Variants in MAP3K5 observed in about 807,000 individuals in gnomAD.
The protein encoded by MAP3K5 is mitogen-activated protein kinase kinase kinase 5.
A neutral mutation model predicts 158.7 loss-of-function variants in MAP3K5; 56 were observed. The observed-to-expected ratio is 0.35, with a 90% CI of 0.28 to 0.44. MAP3K5 has a LOEUF of 0.44. Ranked by LOEUF, MAP3K5 falls within the 20% of genes least tolerant of loss-of-function variation. The pLI is 1.00. For synonymous variants in MAP3K5, 579 were observed against 601.7 expected (o/e 0.96, Z 0.55); for missense variants, 1,294 against 1,674.8 (o/e 0.77, Z 3.97).
chr6:136,625,480 C>T (rs1002529441), intron 14 of MAP3K5, among the ~76,000 whole-genome samples: 1 of 152,172 alleles, frequency 6.6e-6, no homozygotes, highest in Non-Finnish European at 1.5e-5. Flanking sequence ...AGTCAGCCCA[C>T]TACACTGTGA....
intron 1 of MAP3K5, among the ~76,000 whole-genome samples, chr6:136,738,000 T>C (rs370518920): frequency 5.9e-5 from 9 of 152,110 alleles, no homozygotes; most frequent in African/African-American, 2.2e-4. Flanking sequence ...ATATAGGAGT[T>C]TCTTTTTACC....
intron 25 of MAP3K5, among the ~76,000 whole-genome samples, chr6:136,576,915 A>G (rs918628937): frequency 6.6e-6 from 1 of 151,982 alleles, no homozygotes; most frequent in African/African-American, 2.4e-5. Context: ...GTAACACACC[A>G]TACAAATTTG....
chr6:136,603,533 G>T (rs564397681), intron 19 of MAP3K5, among the ~76,000 whole-genome samples: 14 of 152,134 alleles, frequency 9.2e-5, no homozygotes, highest in South Asian at 8.3e-4. Flanking sequence ...GCACAAGCAG[G>T]TTAAATAATT....
At chr6:136,660,611 A>G (rs554471507) in intron 8 of MAP3K5, among the ~76,000 whole-genome samples, 3 of 152,260 alleles carry the variant, frequency 2.0e-5, no homozygotes, top group East Asian at 3.9e-4. Context: ...TTTGCATTTT[A>G]TAAGTATTTG....
chr6:136,559,930 T>C (rs1213803275), intron 28 of MAP3K5, among the ~76,000 whole-genome samples: 1 of 152,176 alleles, frequency 6.6e-6, no homozygotes, highest in Non-Finnish European at 1.5e-5. Flanking sequence ...GAGGAATGTA[T>C]ATTCTGGAGT....
At chr6:136,744,199 AATTGT>A (rs1447430529) in intron 1 of MAP3K5, among the ~76,000 whole-genome samples, 13 of 152,172 alleles carry the variant, frequency 8.5e-5, no homozygotes, top group African/African-American at 2.9e-4. Flanking sequence ...AAGGTTCACC[AATTGT>A]AACAAATGCA....
chr6:136,604,315 C>CT (rs1180865996), intron 19 of MAP3K5, among the ~76,000 whole-genome samples: 1 of 149,308 alleles, frequency 6.7e-6, no homozygotes, highest in Non-Finnish European at 1.5e-5. Context: ...GATCGAGACT[C>CT]TGTCTCCACA....
chr6:136,788,292 G>A (rs1784928524), intron 1 of MAP3K5, among the ~76,000 whole-genome samples: 1 of 152,166 alleles, frequency 6.6e-6, no homozygotes, highest in African/African-American at 2.4e-5. Context: ...GATGGATTAA[G>A]GTTTAAATGT....
chr6:136,752,963 C>G (rs1441488409), intron 1 of MAP3K5, among the ~76,000 whole-genome samples: 1 of 152,166 alleles, frequency 6.6e-6, no homozygotes, highest in Non-Finnish European at 1.5e-5. Flanking sequence ...CCACTCAGGC[C>G]TGGTTACCAA....
intron 2 of MAP3K5, among the ~76,000 whole-genome samples, chr6:136,717,145 T>C (rs1242901250): frequency 6.6e-6 from 1 of 151,638 alleles, no homozygotes; most frequent in African/African-American, 2.4e-5. Context: ...CAAAGTGTAA[T>C]GATCATCTTC....
chr6:136,574,419 A>C (rs1200212130), intron 25 of MAP3K5, among the ~76,000 whole-genome samples: 1 of 152,218 alleles, frequency 6.6e-6, no homozygotes, highest in African/African-American at 2.4e-5. Context: ...TGCTTGAAGC[A>C]GCTGTTAACA....
At chr6:136,573,473 A>G (rs974181759) in intron 25 of MAP3K5, among the ~76,000 whole-genome samples, 2 of 152,184 alleles carry the variant, frequency 1.3e-5, no homozygotes, top group African/African-American at 4.8e-5. Flanking sequence ...ATATATCTCT[A>G]TGTATCCTAT....
intron 2 of MAP3K5, among the ~76,000 whole-genome samples, chr6:136,710,578 C>T (rs1048065460): frequency 6.6e-6 from 1 of 152,250 alleles, no homozygotes; most frequent in Non-Finnish European, 1.5e-5. Flanking sequence ...AAGGTCACCT[C>T]AGGGATAACT....
At chr6:136,753,915 G>A (rs1783336592) in intron 1 of MAP3K5, among the ~76,000 whole-genome samples, 1 of 152,220 alleles carries the variant, frequency 6.6e-6, no homozygotes. Flanking sequence ...CGCATTTCAG[G>A]TAGATGCGGG....
chr6:136,610,321 T>C (rs547686074), intron 18 of MAP3K5, among the ~76,000 whole-genome samples: 1 of 152,056 alleles, frequency 6.6e-6, no homozygotes, highest in Non-Finnish European at 1.5e-5. Flanking sequence ...TGTTACCTTT[T>C]TGGAAATCAC....
chr6:136,636,835 T>G, intron 14 of MAP3K5: 3 of 986,316 alleles, frequency 3.0e-6, no homozygotes, highest in African/African-American at 1.7e-5. Context: ...CTGTGTCCAT[T>G]AGACATTAAT....
chr6:136,565,041 G>A (rs1350931728), intron 26 of MAP3K5, among the ~76,000 whole-genome samples: 1 of 152,176 alleles, frequency 6.6e-6, no homozygotes, highest in Non-Finnish European at 1.5e-5. Flanking sequence ...GAGGCCACCT[G>A]ATTCACAAAC....
intron 15 of MAP3K5, 96 bp from the exon 16 acceptor site, chr6:136,614,382 G>T: frequency 1.4e-6 from 2 of 1,393,072 alleles, no homozygotes; most frequent in Non-Finnish European, 2.0e-6. Flanking sequence ...CCAAATATAT[G>T]TCCATATGTA....
intron 10 of MAP3K5, among the ~76,000 whole-genome samples, chr6:136,653,263 C>G (rs145849106): frequency 2.0e-5 from 3 of 152,262 alleles, no homozygotes; most frequent in African/African-American, 7.2e-5. Context: ...TGGTACCATT[C>G]AAATCATTTC....
Sources: gnomAD v4.1 joint callset for allele counts (sites outside exome capture counted in the v4.1 genomes callset) on GRCh38, gnomAD v4.1.1 for gene constraint, MANE v1.5 for transcripts, NCBI Gene and HGNC (gene_info 2026-07-23, HGNC 2026-07-21) for gene names.